The following EPHB1 variants were observed in gnomAD, a reference collection of about 807,000 sequenced individuals.
The protein encoded by EPHB1 is EPH receptor B1, also known as ephrin type-B receptor 1.
A neutral mutation model predicts 94.4 loss-of-function variants in EPHB1; 30 were observed. The ratio of observed to expected loss-of-function variants is 0.32; its 90% confidence interval spans 0.24 to 0.43. The LOEUF (loss-of-function observed/expected upper bound fraction) is 0.43. Among genes scored for constraint, EPHB1 ranks in the 20% least tolerant of loss-of-function variants. EPHB1 has a pLI of 1.00. For synonymous variants in EPHB1, 522 were observed against 489.1 expected, an observed-to-expected ratio of 1.07 and a Z score of -0.89; for missense variants, 1,055 against 1,308.3, an observed-to-expected ratio of 0.81 and a Z score of 2.99.
intron 12 of EPHB1, among the ~76,000 whole-genome samples, chr3:135,205,252 C>G (rs984601743): frequency 6.6e-6 from 1 of 152,010 alleles, no homozygotes; most frequent in Admixed American, 6.5e-5. Context: ...TTTGTGTTTT[C>G]TATTGTTTGT....
chr3:135,030,401 T>C (rs1173330689), intron 3 of EPHB1, among the ~76,000 whole-genome samples: 2 of 152,196 alleles, frequency 1.3e-5, no homozygotes, highest in African/African-American at 4.8e-5. Flanking sequence ...GATGGGTTTT[T>C]GGTGTGGATG....
intron 1 of EPHB1, among the ~76,000 whole-genome samples, chr3:134,864,131 C>A (rs866231667): frequency 2.6e-5 from 4 of 152,308 alleles, no homozygotes; most frequent in Non-Finnish European, 5.9e-5. Flanking sequence ...TAGCACGGGG[C>A]CTTTGTATGT....
chr3:134,914,590 AC>A (rs1464583873), intron 1 of EPHB1, among the ~76,000 whole-genome samples: 1 of 152,062 alleles, frequency 6.6e-6, no homozygotes, highest in Admixed American at 6.5e-5. Flanking sequence ...GTTGTTGGAG[AC>A]ATGGGGGCTG....
chr3:134,905,925 A>G (rs1260984707), intron 1 of EPHB1, among the ~76,000 whole-genome samples: 1 of 151,970 alleles, frequency 6.6e-6, no homozygotes, highest in East Asian at 1.9e-4. Flanking sequence ...CTGCCACCTG[A>G]TTTTGCAGTA....
At chr3:134,980,809 G>A (rs1165078985) in intron 3 of EPHB1, among the ~76,000 whole-genome samples, 1 of 152,134 alleles carries the variant, frequency 6.6e-6, no homozygotes. Flanking sequence ...GTATTATATG[G>A]CTTGAGGATT....
At chr3:135,164,944 A>G (rs573351446) in intron 7 of EPHB1, among the ~76,000 whole-genome samples, 2 of 152,206 alleles carry the variant, frequency 1.3e-5, no homozygotes, top group Non-Finnish European at 2.9e-5. Flanking sequence ...TATTTGAGGC[A>G]TACTTATACT....
Position 135,248,375 on chromosome 3 carries a change from T to C in EPHB1, c.2556T>C (p.Ala852=). 2.5e-6 allele frequency: 4 copies of C among 1,613,378 alleles called. No individual in the cohort carries two copies. Among genetic ancestry groups the C allele is most frequent in the Non-Finnish European group, 3.4e-6 (4 of 1,179,482 alleles). Residue 852 remains alanine (A), a synonymous_variant, in exon 14 of 16, where the codon GCT becomes GCC. Transcript: ENST00000398015. ...CCCCACCCATGGACTGTCCAGCTGC[T>C]CTACACCAGCTCATGCTGGACTGTT... is the stretch of plus-strand genomic sequence containing the variant. ...RLPPPMDCPA[A]LHQLMLDCWQ...
intron 1 of EPHB1, among the ~76,000 whole-genome samples, chr3:134,860,156 C>CACACACACACAG (rs751413419): frequency 0.012 from 1,564 of 127,638 alleles, 17 homozygotes; most frequent in Non-Finnish European, 0.015. Flanking sequence ...AAGGGACACA[C>CACACACACACAG]ACACACACAC....
chr3:135,231,021 C>T (rs534806368), intron 12 of EPHB1, among the ~76,000 whole-genome samples: 14 of 152,274 alleles, frequency 9.2e-5, no homozygotes, highest in Admixed American at 9.2e-4. Flanking sequence ...AATAGCGAGG[C>T]GATGAACATA....
At chr3:135,221,371 C>T (rs1195455384) in intron 12 of EPHB1, among the ~76,000 whole-genome samples, 1 of 152,078 alleles carries the variant, frequency 6.6e-6, no homozygotes, top group Non-Finnish European at 1.5e-5. Context: ...ATCACTTAAA[C>T]CTCATTATTC....
At chr3:134,905,001 C>T (rs146815209) in intron 1 of EPHB1, among the ~76,000 whole-genome samples, 1 of 152,302 alleles carries the variant, frequency 6.6e-6, no homozygotes, top group East Asian at 1.9e-4. Context: ...ATGATCTCTA[C>T]AGGAGCTGAA....
chr3:135,180,105 C>T lies in EPHB1; in HGVS notation c.1882+123C>T, dbSNP rs146231387. ...GGAGGAGAGCTTCTATCTTCTTTCT[C>T]CTCAGAAGATGAGTCTGAACTATCT... On this transcript the variant is annotated intron_variant, in intron 10 of 15. Transcript: ENST00000398015. The T allele has an allele frequency of 5.6e-5, 65 of 1,156,362 alleles. No individual in the cohort carries two copies. The African/African-American group carries it at 8.0e-4, about 14-fold the overall frequency. 71.6% of individuals were successfully genotyped at this position (1,156,362 alleles called of 1,614,324 possible).
At chr3:134,893,984 G>T (rs1310709864) in intron 1 of EPHB1, among the ~76,000 whole-genome samples, 1 of 152,216 alleles carries the variant, frequency 6.6e-6, no homozygotes, top group African/African-American at 2.4e-5. Context: ...TCCCTAAGGA[G>T]CGCTCTTAAA....
At chr3:135,091,278 A>G (rs1315702968) in intron 3 of EPHB1, among the ~76,000 whole-genome samples, 1 of 152,222 alleles carries the variant, frequency 6.6e-6, no homozygotes, top group African/African-American at 2.4e-5. Context: ...TGATGGGGCC[A>G]TCTGGGCAGG....
chr3:135,255,582 T>C (rs1285686696), intron 15 of EPHB1, among the ~76,000 whole-genome samples: 4 of 148,194 alleles, frequency 2.7e-5, no homozygotes, highest in Non-Finnish European at 6.0e-5. Flanking sequence ...GTCTGAGAGA[T>C]AGTTTGTTAT....
intron 3 of EPHB1, among the ~76,000 whole-genome samples, chr3:134,966,816 T>C (rs2107724801): frequency 6.6e-6 from 1 of 152,384 alleles, no homozygotes; most frequent in Admixed American, 6.5e-5. Context: ...AGAGCAACCC[T>C]GATGTACGGT....
chr3:134,991,170 A>G (rs975609545), intron 3 of EPHB1, among the ~76,000 whole-genome samples: 1 of 152,180 alleles, frequency 6.6e-6, no homozygotes, highest in Non-Finnish European at 1.5e-5. Flanking sequence ...TGTTTGCTCT[A>G]ATGTGGGCTG....
intron 1 of EPHB1, among the ~76,000 whole-genome samples, chr3:134,829,343 G>A (rs913369407): frequency 6.6e-6 from 1 of 152,126 alleles, no homozygotes; most frequent in African/African-American, 2.4e-5. Context: ...CTTTGGGGGT[G>A]GGGGTGGTTG....
At chr3:135,238,128 C>CA (rs1387688357) in intron 12 of EPHB1, among the ~76,000 whole-genome samples, 1 of 152,166 alleles carries the variant, frequency 6.6e-6, no homozygotes, top group Admixed American at 6.5e-5. Context: ...CACCAGAAGG[C>CA]AACATTGACA....
Sources: allele counts gnomAD v4.1 joint callset (sites outside exome capture counted in the v4.1 genomes callset), GRCh38; gene constraint gnomAD v4.1.1; transcripts MANE v1.5; gene names NCBI Gene and HGNC (gene_info 2026-07-23, HGNC 2026-07-21).